DDX23: variants seen among roughly 807,000 people sequenced by gnomAD.
DDX23 encodes the protein DEAD-box helicase 23.
Under a neutral mutation model 102.7 loss-of-function variants are expected in DDX23, and 33 were observed. The observed-to-expected ratio is 0.32, with a 90% confidence interval of 0.24 to 0.43. DDX23 has a LOEUF of 0.43. Ranked by LOEUF, DDX23 falls within the 20% of genes least tolerant of loss-of-function variation. The probability of loss-of-function intolerance (pLI) is 1.00; values close to 1 mark genes in which losing one functional copy is unlikely to be tolerated. For synonymous variants in DDX23, 352 were observed against 376.0 expected, an observed-to-expected ratio of 0.94 and a Z score of 0.74; for missense variants, 549 against 1,086.6, an observed-to-expected ratio of 0.51 and a Z score of 6.96.
At chr12:48,831,860 GC>G in intron 15 of DDX23, 1 of 577,034 alleles carries the variant, frequency 1.7e-6, no homozygotes, top group Non-Finnish European at 3.1e-6. Context: ...AAGACCCAAG[GC>G]AGCTTTGGCT....
chr12:48,840,419 C>A (rs1424041412), intron 3 of DDX23, among the ~76,000 whole-genome samples: 2 of 152,064 alleles, frequency 1.3e-5, no homozygotes, highest in Non-Finnish European at 2.9e-5. Context: ...GCCTATAATC[C>A]CAGCACTTTG....
In DDX23 at chr12:48,836,840, C is replaced by G; in HGVS notation, c.1011-46G>C. The G allele has an allele frequency of 6.2e-7, 1 of 1,613,324 alleles. No homozygotes were observed. The highest frequency in any genetic ancestry group is 8.5e-7 in the Non-Finnish European group (1 of 1,179,402). ...TAAGTAGAATCAGTGCCCTCCAACT[C>G]CTTTCTGTAGAGCCTCTGGGCTCTG... On this transcript the variant is annotated intron_variant, in intron 9 of 16. Transcript: ENST00000308025. The surrounding 1 kb of genome is among the most constrained non-coding windows in gnomAD (Gnocchi z 6.1).
At chr12:48,835,177 G>A (rs1303436999) in intron 11 of DDX23, 6 of 272,534 alleles carry the variant, frequency 2.2e-5, no homozygotes, top group Admixed American at 3.6e-5. Flanking sequence ...GGGAGGCAAC[G>A]GTTGCTGTAA....
chr12:48,842,825 T>G (rs1455326813), intron 3 of DDX23, among the ~76,000 whole-genome samples: 7 of 152,142 alleles, frequency 4.6e-5, no homozygotes, highest in Admixed American at 6.5e-5. Flanking sequence ...GAACGGACCA[T>G]GATGACAGTG....
intron 1 of DDX23, among the ~76,000 whole-genome samples, chr12:48,850,440 C>T (rs1228907039): frequency 6.6e-6 from 1 of 152,122 alleles, no homozygotes; most frequent in African/African-American, 2.4e-5. Flanking sequence ...TGTGGAGATT[C>T]CCAGAAGGCA....
At chr12:48,844,875 G>C (rs887095836) in intron 2 of DDX23, among the ~76,000 whole-genome samples, 6 of 151,390 alleles carry the variant, frequency 4.0e-5, no homozygotes, top group Non-Finnish European at 7.4e-5. Flanking sequence ...ATGCCTAGCC[G>C]GGCGTGGTGG....
chr12:48,835,868 G>T (rs1446433775), intron 11 of DDX23, among the ~76,000 whole-genome samples: 1 of 152,170 alleles, frequency 6.6e-6, no homozygotes, highest in East Asian at 1.9e-4. Flanking sequence ...TCCAGCCTGG[G>T]TGACAGAGTG....
chr12:48,847,527 AG>A (rs1433110286), intron 1 of DDX23, among the ~76,000 whole-genome samples: 2 of 151,592 alleles, frequency 1.3e-5, no homozygotes, highest in East Asian at 3.9e-4. Flanking sequence ...AAAAAAAAAA[AG>A]AAAGAAATAC....
intron 13 of DDX23, 37 bp downstream of exon 13, chr12:48,833,240 C>T (rs765647497): frequency 1.2e-6 from 2 of 1,612,192 alleles, no homozygotes; most frequent in Non-Finnish European, 1.7e-6. Context: ...CCGCCTTGGC[C>T]TGTCCAACTT....
Position 48,832,147 on chromosome 12 carries a change from T to G in DDX23, c.1995A>C (p.Pro665=), listed in dbSNP as rs1938398392. ...LLAILEQGFD[P]PIIIFVNQKK... ...TCTGGTTGACAAAAATAATGATGGG[T>G]GGGTCAAAGCCTTGCTCCAAGATTG... The change falls in exon 15 of 17, where the codon CCA becomes CCC. Residue 665 remains proline (P), a synonymous_variant. Coordinates refer to ENST00000308025, the MANE Select transcript of DDX23 (RefSeq NM_004818.3). The surrounding 1 kb of genome is among the most constrained non-coding windows in gnomAD (Gnocchi z 4.4). 6.2e-7 allele frequency: 1 copy of G among 1,613,638 alleles called. No homozygotes were observed. Among genetic ancestry groups the G allele is most frequent in the Admixed American group, 1.7e-5 (1 of 59,930 alleles).
At chr12:48,837,486 G>A (rs1388008390) in intron 7 of DDX23, 38 bp downstream of exon 7, 2 of 1,613,342 alleles carry the variant, frequency 1.2e-6, no homozygotes, top group South Asian at 2.2e-5. Context: ...CCTCATTTTT[G>A]TGTGGGAGAG....
chr12:48,839,026 C>T (rs781020113), intron 5 of DDX23, among the ~76,000 whole-genome samples: 3 of 152,088 alleles, frequency 2.0e-5, no homozygotes, highest in Non-Finnish European at 4.4e-5. Flanking sequence ...CAGGCGCATG[C>T]TACCACAGAT....
chr12:48,833,650 A>G, intron 12 of DDX23, 131 bp from the exon 13 acceptor site: 1 of 1,168,398 alleles, frequency 8.6e-7, no homozygotes, highest in Non-Finnish European at 1.2e-6. Context: ...GGTTATGTTT[A>G]GCAGTAAAGG....
chr12:48,847,625 C>T (rs1016431766), intron 1 of DDX23, among the ~76,000 whole-genome samples: 2 of 151,146 alleles, frequency 1.3e-5, no homozygotes, highest in Admixed American at 6.6e-5. Context: ...TCCAGGAGTT[C>T]GAGACCAACC....
At chr12:48,837,854 A>T (rs1373907118) in intron 6 of DDX23, 88 bp downstream of exon 6, 1 of 1,579,166 alleles carries the variant, frequency 6.3e-7, no homozygotes, top group Non-Finnish European at 8.6e-7. Context: ...TCCAGAGTGA[A>T]CAGGTTTCTA....
intron 2 of DDX23, among the ~76,000 whole-genome samples, 154 bp downstream of exon 2, chr12:48,845,420 A>G (rs1204615930): frequency 6.6e-6 from 1 of 152,186 alleles, no homozygotes; most frequent in Admixed American, 6.5e-5. Context: ...GCACCACTGC[A>G]CTCCAGTCTG....
At chr12:48,841,877 C>T (rs1166052483) in intron 3 of DDX23, among the ~76,000 whole-genome samples, 2 of 152,112 alleles carry the variant, frequency 1.3e-5, no homozygotes, top group African/African-American at 2.4e-5. Flanking sequence ...TCTGCCCGGC[C>T]GCCATCCCAT....
intron 3 of DDX23, among the ~76,000 whole-genome samples, chr12:48,841,718 C>T (rs1361644421): frequency 6.6e-6 from 1 of 152,268 alleles, no homozygotes; most frequent in Admixed American, 6.5e-5. Flanking sequence ...CAGCCTCGGC[C>T]TCCCGAGGTG....
At chr12:48,843,142 C>T (rs1938598461) in intron 3 of DDX23, among the ~76,000 whole-genome samples, 1 of 149,138 alleles carries the variant, frequency 6.7e-6, no homozygotes, top group African/African-American at 2.5e-5. Flanking sequence ...TCTCAAGTAC[C>T]CAGGGACACA....
Sources: gnomAD v4.1 joint callset for allele counts (sites outside exome capture counted in the v4.1 genomes callset) on GRCh38, gnomAD v4.1.1 for gene constraint, Gnocchi (gnomAD v3.1) non-coding constraint, MANE v1.5 for transcripts, NCBI Gene and HGNC (gene_info 2026-07-23, HGNC 2026-07-21) for gene names.